The following ST7 variants were observed in gnomAD, a reference collection of about 807,000 sequenced individuals.
The protein encoded by ST7 is suppressor of tumorigenicity 7 protein.
A neutral mutation model predicts 78.7 loss-of-function variants in ST7; 28 were observed. The observed-to-expected ratio is 0.36, with a 90% CI of 0.26 to 0.49. ST7 has a LOEUF of 0.49. Ranked by LOEUF, ST7 falls within the 20% of genes least tolerant of loss-of-function variation. The pLI, the probability that ST7 is intolerant of heterozygous loss-of-function variation, is 0.99. For synonymous variants in ST7, 247 were observed against 249.6 expected (o/e 0.99, Z 0.10); for missense variants, 418 against 696.0 (o/e 0.60, Z 4.49).
At chr7:117,148,507 C>T (rs1805989046) in intron 9 of ST7, among the ~76,000 whole-genome samples, 1 of 152,116 alleles carries the variant, frequency 6.6e-6, no homozygotes, top group Non-Finnish European at 1.5e-5. Context: ...TAGAGAGTAA[C>T]AGAATAATTA....
chr7:116,962,913 C>T (rs1792904241), intron 1 of ST7, among the ~76,000 whole-genome samples: 1 of 152,164 alleles, frequency 6.6e-6, no homozygotes. Flanking sequence ...TAGTTACTGA[C>T]TTTGGCCTTA....
chr7:117,167,319 C>T lies in ST7; in HGVS notation c.964-3543C>T, dbSNP rs149246636. ...GTGTATGTTTGCATAACACAGCTTT[C>T]ATTGAATGTAATGAAAGCTGTCAGC... On this transcript the variant is annotated intron_variant, in intron 9 of 15. Transcript: ENST00000323984. Among the ~76,000 whole-genome samples, 908 of 145,972 alleles carry T rather than the reference C, an allele frequency of 6.2e-3. 10 individuals are homozygous for T. The highest frequency in any genetic ancestry group is 0.022 in the African/African-American group (873 of 39,500).
intron 14 of ST7, among the ~76,000 whole-genome samples, chr7:117,220,379 T>A (rs1793000136): frequency 6.6e-6 from 1 of 152,212 alleles, no homozygotes; most frequent in South Asian, 2.1e-4. Flanking sequence ...ACACATTAGA[T>A]TTGATTTCAG....
intron 9 of ST7, chr7:117,144,274 G>C (rs759762935): frequency 4.6e-5 from 7 of 151,970 alleles, no homozygotes; most frequent in Admixed American, 2.0e-4. Flanking sequence ...GAGAGGGAGA[G>C]TGAAAAAGGC....
intron 5 of ST7, 41 bp from the exon 6 acceptor site, chr7:117,131,844 A>T (rs1400410544): frequency 6.5e-7 from 1 of 1,527,434 alleles, no homozygotes; most frequent in Admixed American, 1.7e-5. Flanking sequence ...ACCTAATTAT[A>T]TGTATGGATT....
Position 117,025,607 on chromosome 7 carries a change from T to G in ST7, c.151+71916T>G, listed in dbSNP as rs1490212774. ...AAGAAAAATATTGCATGACATTAGA[T>G]AAGTAGAAAACCACAGACTGCTGAA... On this transcript the variant is annotated intron_variant, in intron 1 of 15. Transcript: ENST00000323984. 7.2e-5 allele frequency among the ~76,000 whole-genome samples: 11 copies of G among 152,280 alleles called. No homozygotes were observed. The East Asian group carries it at 1.7e-3, about 24-fold the overall frequency.
chr7:117,216,403 TTG>T (rs1792694994), intron 13 of ST7, among the ~76,000 whole-genome samples: 2 of 152,304 alleles, frequency 1.3e-5, no homozygotes, highest in South Asian at 4.1e-4. Flanking sequence ...CCTCTGAAAT[TTG>T]TGTTTTCTTA....
At chr7:117,027,373 G>A (rs1362231866) in intron 1 of ST7, among the ~76,000 whole-genome samples, 3 of 151,662 alleles carry the variant, frequency 2.0e-5, no homozygotes, top group Non-Finnish European at 4.4e-5. Flanking sequence ...CCAGGAGGCA[G>A]AAGTTGTGAT....
intron 3 of ST7, among the ~76,000 whole-genome samples, chr7:117,129,184 G>T (rs1457812993): frequency 2.0e-5 from 3 of 151,822 alleles, no homozygotes; most frequent in African/African-American, 7.2e-5. Flanking sequence ...ATTAGTATAT[G>T]TATCTGTGCA....
intron 12 of ST7, among the ~76,000 whole-genome samples, chr7:117,191,375 G>A (rs1809761326): frequency 6.6e-6 from 1 of 152,140 alleles, no homozygotes; most frequent in Non-Finnish European, 1.5e-5. Context: ...GTATTGGCAA[G>A]AAAATAATAG....
At chr7:117,004,533 T>A (rs1192628625) in intron 1 of ST7, among the ~76,000 whole-genome samples, 1 of 152,118 alleles carries the variant, frequency 6.6e-6, no homozygotes, top group South Asian at 2.1e-4. Flanking sequence ...TGGTGGCAGA[T>A]GCCTGTAGTC....
intron 1 of ST7, chr7:116,966,222 T>C (rs878950994): frequency 3.5e-6 from 1 of 289,116 alleles, no homozygotes; most frequent in South Asian, 3.5e-5. Flanking sequence ...TTCCGTAATA[T>C]ATGTTGCTTT....
intron 1 of ST7, among the ~76,000 whole-genome samples, chr7:117,023,793 A>ATC (rs1308395128): frequency 2.0e-5 from 3 of 151,044 alleles, no homozygotes; most frequent in South Asian, 2.1e-4. Flanking sequence ...ATATATATAT[A>ATC]TCGTGTGTGT....
chr7:117,170,281 C>T (rs1807888550), intron 9 of ST7, among the ~76,000 whole-genome samples: 1 of 151,950 alleles, frequency 6.6e-6, no homozygotes, highest in Admixed American at 6.6e-5. Context: ...CCCACCTTAC[C>T]AGAAAAATAA....
At position 117,192,686 on chromosome 7, in the gene ST7, C is replaced by T. The variant is rs879763553; in HGVS notation, c.1254+1750C>T. ...AGCCTTGCAATCCTGGGGCACAAGA[C>T]AGAAAATCAGTACAGTACTTGTTGG... On this transcript the variant is annotated intron_variant, in intron 12 of 15. Coordinates refer to ENST00000323984, the MANE Select transcript of ST7 (RefSeq NM_001369598.1). Among the ~76,000 whole-genome samples, 82 of 152,134 alleles carry T rather than the reference C, an allele frequency of 5.4e-4. 1 individual carries two copies. Among genetic ancestry groups the T allele is most frequent in the Admixed American group, 2.9e-3 (44 of 15,276 alleles).
rs1298831467 is a variant in ST7, at chr7:117,214,014, T to C, written c.1405+4077T>C. On this transcript the variant is annotated intron_variant, in intron 13 of 15. Coordinates refer to ENST00000323984, the MANE Select transcript of ST7 (RefSeq NM_001369598.1). The stretch of plus-strand genomic sequence containing the variant: ...TATTTTATTTATTTATTTTTTATTT[T>C]TGCTGGGGCCCTATTTTAAATGGCA... Among the ~76,000 whole-genome samples the C allele has an allele frequency of 2.6e-5, 4 of 152,294 alleles. No individual in the cohort carries two copies. In the South Asian group the frequency reaches 8.3e-4, roughly 32 times the overall value.
At chr7:117,058,130 C>T (rs1001856087) in intron 1 of ST7, among the ~76,000 whole-genome samples, 10 of 152,206 alleles carry the variant, frequency 6.6e-5, no homozygotes, top group Middle Eastern at 3.4e-3. Flanking sequence ...ATTGATTAAC[C>T]TGTGTGAATG....
intron 2 of ST7, 46 bp downstream of exon 2, chr7:117,099,890 T>C: frequency 6.8e-7 from 1 of 1,464,000 alleles, no homozygotes; most frequent in Middle Eastern, 1.7e-4. Context: ...TGATTAGTAA[T>C]ATGTGTATTA....
intron 10 of ST7, among the ~76,000 whole-genome samples, chr7:117,177,777 G>A (rs1366039939): frequency 2.0e-5 from 3 of 152,050 alleles, no homozygotes; most frequent in Admixed American, 6.6e-5. Flanking sequence ...AGGGGACCTC[G>A]GATTGGCTTT....
Sources: allele counts gnomAD v4.1 joint callset (sites outside exome capture counted in the v4.1 genomes callset), GRCh38; gene constraint gnomAD v4.1.1; transcripts MANE v1.5; gene names NCBI Gene and HGNC (gene_info 2026-07-23, HGNC 2026-07-21).